The following EPHA6 variants were observed in gnomAD, a reference collection of about 807,000 sequenced individuals.
EPHA6 encodes EPH receptor A6, also known as ephrin type-A receptor 6.
A neutral mutation model predicts 112.0 loss-of-function variants in EPHA6; 50 were observed. That is an observed-to-expected ratio of 0.45 (90% CI 0.36 to 0.56). EPHA6 has a LOEUF of 0.56. EPHA6 is among the 20% of genes least tolerant of loss of function. EPHA6 has a pLI of 0.00. For synonymous variants in EPHA6, 529 were observed against 490.7 expected (o/e 1.08, Z -1.03); for missense variants, 1,280 against 1,417.4 (o/e 0.90, Z 1.56).
chr3:97,263,675 A>T (rs2108624653), intron 5 of EPHA6, among the ~76,000 whole-genome samples: 1 of 152,242 alleles, frequency 6.6e-6, no homozygotes, highest in East Asian at 1.9e-4. Flanking sequence ...AGAATTTTGT[A>T]TGCTTATATC....
intron 15 of EPHA6, among the ~76,000 whole-genome samples, chr3:97,722,648 A>G (rs983214219): frequency 3.2e-4 from 48 of 152,166 alleles, no homozygotes; most frequent in African/African-American, 1.1e-3. Context: ...AAAATCGATA[A>G]GAGACATAGT....
rs1327363561 is a variant in EPHA6, at chr3:96,913,211, CACCA to C, written c.450+46323_450+46326del. On this transcript the variant is annotated intron_variant, in intron 2 of 17. Transcript: ENST00000389672. ...ACACACACACACACACACACACACA[CACCA>C]CACACACGGGCATGGTGACACATAC... Among the ~76,000 whole-genome samples the C allele has an allele frequency of 8.5e-5, 10 of 118,028 alleles. No homozygotes were observed. In the South Asian group the frequency reaches 2.2e-3, roughly 26 times the overall value. 77.4% of individuals were successfully genotyped at this position (118,028 alleles called of 152,430 possible).
chr3:97,189,359 G>A (rs1325102530), intron 3 of EPHA6, among the ~76,000 whole-genome samples: 1 of 152,014 alleles, frequency 6.6e-6, no homozygotes, highest in African/African-American at 2.4e-5. Flanking sequence ...GTAGAATCAT[G>A]CAGTTCCTAG....
At chr3:96,883,579 G>A (rs2037446655) in intron 2 of EPHA6, among the ~76,000 whole-genome samples, 1 of 152,132 alleles carries the variant, frequency 6.6e-6, no homozygotes, top group Non-Finnish European at 1.5e-5. Flanking sequence ...TGCATCTTGA[G>A]TTGATTTTTG....
intron 5 of EPHA6, among the ~76,000 whole-genome samples, chr3:97,385,054 T>G (rs2085979468): frequency 6.6e-6 from 1 of 151,970 alleles, no homozygotes; most frequent in South Asian, 2.1e-4. Flanking sequence ...GAACACAGAG[T>G]GGGGAAAAGA....
At chr3:97,311,532 C>T (rs1218243588) in intron 5 of EPHA6, among the ~76,000 whole-genome samples, 1 of 151,562 alleles carries the variant, frequency 6.6e-6, no homozygotes, top group Non-Finnish European at 1.5e-5. Flanking sequence ...CAAGTTGCTC[C>T]AGCACCATTT....
At chr3:97,507,682 A>T (rs2092282996) in intron 10 of EPHA6, among the ~76,000 whole-genome samples, 1 of 152,100 alleles carries the variant, frequency 6.6e-6, no homozygotes, top group Admixed American at 6.5e-5. Context: ...TCTTAAAATG[A>T]CTTAGGGAGG....
intron 9 of EPHA6, chr3:97,481,496 C>G: frequency 1.8e-6 from 2 of 1,124,024 alleles, no homozygotes; most frequent in South Asian, 2.4e-5. Context: ...AACCATAGTT[C>G]CGGTTCTTCC....
intron 2 of EPHA6, among the ~76,000 whole-genome samples, chr3:96,951,401 G>A (rs1366160144): frequency 2.0e-5 from 3 of 151,900 alleles, no homozygotes; most frequent in South Asian, 4.2e-4. Flanking sequence ...AGTTATTATT[G>A]CCTCCTAACT....
At chr3:97,000,570 C>T (rs917001979) in intron 3 of EPHA6, among the ~76,000 whole-genome samples, 8 of 151,606 alleles carry the variant, frequency 5.3e-5, no homozygotes, top group African/African-American at 1.5e-4. Flanking sequence ...GCTCTGTTAT[C>T]ACCTGTGGAT....
chr3:97,615,347 G>A (rs2093756623), intron 13 of EPHA6, among the ~76,000 whole-genome samples: 1 of 152,102 alleles, frequency 6.6e-6, no homozygotes, highest in Non-Finnish European at 1.5e-5. Context: ...CAGAGTCCTG[G>A]GAGCTTTATA....
chr3:96,981,600 A>G (rs78691746), intron 2 of EPHA6, among the ~76,000 whole-genome samples: 1 of 151,836 alleles, frequency 6.6e-6, no homozygotes, highest in African/African-American at 2.4e-5. Context: ...CTCTTTTTCT[A>G]TTGATTGGAA....
intron 5 of EPHA6, among the ~76,000 whole-genome samples, chr3:97,244,965 T>C (rs894821308): frequency 1.3e-5 from 2 of 152,022 alleles, no homozygotes; most frequent in Non-Finnish European, 2.9e-5. Context: ...ATAATTATAT[T>C]GCAGACCAGG....
At chr3:96,877,927 ATATT>A (rs147482381) in intron 2 of EPHA6, among the ~76,000 whole-genome samples, 13,803 of 140,016 alleles carry the variant, frequency 0.099, 1,131 homozygotes, top group African/African-American at 0.26. Flanking sequence ...ATATATATAT[ATATT>A]TTTTTTTTTT....
intron 3 of EPHA6, among the ~76,000 whole-genome samples, chr3:97,011,751 G>T (rs192588077): frequency 6.6e-6 from 1 of 152,262 alleles, no homozygotes; most frequent in East Asian, 1.9e-4. Context: ...CATCACCCAG[G>T]TAGTGAGCAT....
chr3:97,024,935 A>G (rs1367053689), intron 3 of EPHA6, among the ~76,000 whole-genome samples: 1 of 152,206 alleles, frequency 6.6e-6, no homozygotes, highest in Non-Finnish European at 1.5e-5. Context: ...TAGTTTTTGT[A>G]TAATAATAAA....
chr3:97,250,422 G>A (rs760642536), intron 5 of EPHA6, among the ~76,000 whole-genome samples: 1 of 152,188 alleles, frequency 6.6e-6, no homozygotes, highest in Non-Finnish European at 1.5e-5. Context: ...CATTTTGCAG[G>A]AAAGGTGACT....
intron 14 of EPHA6, among the ~76,000 whole-genome samples, chr3:97,697,297 A>C (rs1380562526): frequency 6.6e-6 from 1 of 152,204 alleles, no homozygotes; most frequent in Non-Finnish European, 1.5e-5. Context: ...GGAATAATGT[A>C]GGATAGGTTT....
chr3:97,358,788 A>G (rs2108924437), intron 5 of EPHA6, among the ~76,000 whole-genome samples: 1 of 152,158 alleles, frequency 6.6e-6, no homozygotes, highest in South Asian at 2.1e-4. Context: ...GGGAATATTT[A>G]ATTTCTCCCT....
Sources: gnomAD v4.1 joint callset for allele counts (sites outside exome capture counted in the v4.1 genomes callset) on GRCh38, gnomAD v4.1.1 for gene constraint, MANE v1.5 for transcripts, NCBI Gene and HGNC (gene_info 2026-07-23, HGNC 2026-07-21) for gene names.